The following MYT1L variants were observed in gnomAD, a reference collection of about 807,000 sequenced individuals.
The protein encoded by MYT1L is myelin transcription factor 1 like, also known as myelin transcription factor 1-like protein.
MYT1L carries 12 observed loss-of-function variants against 126.7 expected under a neutral mutation model. The observed-to-expected ratio is 0.09, with a 90% CI of 0.06 to 0.15. MYT1L has a LOEUF of 0.15. Ranked by LOEUF, MYT1L falls within the 10% of genes least tolerant of loss-of-function variation. The pLI is 1.00. For synonymous variants in MYT1L, 541 were observed against 604.2 expected, an observed-to-expected ratio of 0.90 and a Z score of 1.53; for missense variants, 979 against 1,585.2, an observed-to-expected ratio of 0.62 and a Z score of 6.49.
At chr2:1,902,432 G>C (rs1000607693) in intron 14 of MYT1L, among the ~76,000 whole-genome samples, 1 of 152,206 alleles carries the variant, frequency 6.6e-6, no homozygotes, top group African/African-American at 2.4e-5. Context: ...CAGTCACAGG[G>C]GGACTCCGGT....
chr2:1,886,436 GTTTT>G (rs2048182486), intron 18 of MYT1L, 99 bp downstream of exon 18: 1 of 863,256 alleles, frequency 1.2e-6, no homozygotes, highest in Admixed American at 3.4e-5. Flanking sequence ...CACAGGCCAT[GTTTT>G]TTAACAGACA....
At chr2:2,096,995 G>A (rs965188754) in intron 3 of MYT1L, among the ~76,000 whole-genome samples, 11 of 152,102 alleles carry the variant, frequency 7.2e-5, no homozygotes, top group East Asian at 1.9e-4. Flanking sequence ...AGGCTGCAGC[G>A]TCCTTCATCC....
chr2:1,934,465 A>G (rs2055554073), intron 9 of MYT1L, among the ~76,000 whole-genome samples: 1 of 151,904 alleles, frequency 6.6e-6, no homozygotes, highest in African/African-American at 2.4e-5. Flanking sequence ...TAAAAGGTGA[A>G]TGCATGAAGT....
chr2:2,271,025 T>G (rs2095253189), intron 2 of MYT1L, among the ~76,000 whole-genome samples: 1 of 152,250 alleles, frequency 6.6e-6, no homozygotes. Context: ...CCGGGGAGCA[T>G]GCCGCGGCCT....
chr2:2,008,306 C>T (rs1028266136), intron 4 of MYT1L, among the ~76,000 whole-genome samples: 4 of 152,326 alleles, frequency 2.6e-5, no homozygotes, highest in African/African-American at 9.6e-5. Context: ...CTGCCACGGG[C>T]GTGGCCAGCC....
chr2:2,108,786 T>C (rs1039040778), intron 3 of MYT1L, among the ~76,000 whole-genome samples: 1 of 152,158 alleles, frequency 6.6e-6, no homozygotes, highest in African/African-American at 2.4e-5. Context: ...TTGGCAGTAT[T>C]TTTTTTTCTT....
intron 2 of MYT1L, among the ~76,000 whole-genome samples, chr2:2,240,588 C>G (rs963052367): frequency 6.6e-6 from 1 of 152,168 alleles, no homozygotes; most frequent in Non-Finnish European, 1.5e-5. Context: ...AATCCTTTGT[C>G]TAAGTCTCCC....
chr2:2,215,214 C>A (rs956986066), intron 2 of MYT1L, among the ~76,000 whole-genome samples: 1 of 152,152 alleles, frequency 6.6e-6, no homozygotes, highest in Non-Finnish European at 1.5e-5. Context: ...TATATTCATA[C>A]ATTACATGTA....
In MYT1L at chr2:1,985,087, T is replaced by C. The variant is rs888886162; in HGVS notation, c.1-5310A>G. ...GCTGGGTTACGGACAGCTCCCACTT[T>C]GACACCAGAACCTGAGCTCCAGGCC... On this transcript the variant is annotated intron_variant, in intron 5 of 24. Coordinates refer to ENST00000647738, the MANE Select transcript of MYT1L (RefSeq NM_001303052.2). 3.9e-5 allele frequency among the ~76,000 whole-genome samples: 6 copies of C among 152,300 alleles called. No homozygotes were observed. In the Middle Eastern group the frequency reaches 0.01, roughly 259 times the overall value.
In MYT1L at chr2:2,057,547, T is replaced by C. The variant is rs116417341; in HGVS notation, c.-303-3424A>G. 4.0e-3 allele frequency among the ~76,000 whole-genome samples: 614 copies of C among 152,278 alleles called. 3 individuals carry two copies. The highest frequency in any genetic ancestry group is 0.014 in the African/African-American group (590 of 41,544). Reference sequence around the variant, plus strand: ...CACATAGCCACCCCCACCATCTTTTTTCATAACCAAGCCCAGCCTCTTTCC... The same window carrying C: ...CACATAGCCACCCCCACCATCTTTTCTCATAACCAAGCCCAGCCTCTTTCC... On this transcript the variant is annotated intron_variant, in intron 3 of 24. Coordinates refer to ENST00000647738, the MANE Select transcript of MYT1L (RefSeq NM_001303052.2).
At chr2:1,894,265 C>T (rs553530511) in intron 14 of MYT1L, among the ~76,000 whole-genome samples, 16 of 152,194 alleles carry the variant, frequency 1.1e-4, no homozygotes, top group South Asian at 2.1e-4. Context: ...CAGTGCAGGG[C>T]GGGGTGGGCA....
In MYT1L at chr2:1,789,847, G is replaced by C. The variant is rs1336759223; in HGVS notation, c.*2020C>G. The stretch of plus-strand genomic sequence containing the variant: ...GGGGGCGCTGTACAGAGAAGGTTCC[G>C]CAGAGCCCCGAAATAATTACATCGT... On this transcript the variant is annotated 3_prime_UTR_variant, in exon 25 of 25. Transcript: ENST00000647738. 6.6e-6 allele frequency: 1 copy of C among 152,154 alleles called. No homozygotes were observed. The highest frequency in any genetic ancestry group is 1.9e-4 in the East Asian group (1 of 5,198). The allele number at this position is 152,154 out of a possible 1,614,324, so 9.4% of individuals were successfully genotyped here. A position where few individuals can be genotyped will look rare whatever the true frequency, so the allele number is the denominator to read the frequency against.
chr2:2,273,342 A>G (rs2149354657), intron 2 of MYT1L, among the ~76,000 whole-genome samples: 1 of 152,306 alleles, frequency 6.6e-6, no homozygotes, highest in South Asian at 2.1e-4. Flanking sequence ...CCCCTGATAA[A>G]TGAGATGTTT....
chr2:2,178,791 T>C (rs2091106169), intron 2 of MYT1L, among the ~76,000 whole-genome samples: 1 of 152,128 alleles, frequency 6.6e-6, no homozygotes, highest in South Asian at 2.1e-4. Flanking sequence ...CCAGAAACCC[T>C]AACGAACCTG....
At chr2:2,017,744 C>T (rs2064582863) in intron 4 of MYT1L, among the ~76,000 whole-genome samples, 1 of 152,176 alleles carries the variant, frequency 6.6e-6, no homozygotes, top group African/African-American at 2.4e-5. Context: ...ATCCATCCAT[C>T]CATCCATCCA....
At chr2:2,236,757 TTTCTTCTTCTTCTTCTTCTTC>T (rs760901038) in intron 2 of MYT1L, among the ~76,000 whole-genome samples, 78 of 132,622 alleles carry the variant, frequency 5.9e-4, no homozygotes, top group Admixed American at 8.8e-4. Flanking sequence ...TTGGTTGTCC[TTTCTTCTTCTTCTTCTTCTTC>T]TTCTTCTTCT....
At chr2:2,276,405 G>A (rs2095359547) in intron 2 of MYT1L, among the ~76,000 whole-genome samples, 1 of 152,184 alleles carries the variant, frequency 6.6e-6, no homozygotes, top group Non-Finnish European at 1.5e-5. Context: ...ATGTGGATCA[G>A]ACAGTTCTTT....
intron 8 of MYT1L, among the ~76,000 whole-genome samples, chr2:1,954,693 G>T (rs1395693499): frequency 6.6e-6 from 1 of 152,078 alleles, no homozygotes; most frequent in Non-Finnish European, 1.5e-5. Flanking sequence ...AGGGACCCCT[G>T]AAGTTACAGC....
chr2:2,005,580 A>C (rs1346266241), intron 4 of MYT1L, among the ~76,000 whole-genome samples: 2 of 117,868 alleles, frequency 1.7e-5, no homozygotes, highest in Non-Finnish European at 1.8e-5. Flanking sequence ...TCCTGCATGC[A>C]TTCTTTCCTG....
Sources: gnomAD v4.1 joint callset for allele counts (sites outside exome capture counted in the v4.1 genomes callset) on GRCh38, gnomAD v4.1.1 for gene constraint, MANE v1.5 for transcripts, NCBI Gene and HGNC (gene_info 2026-07-23, HGNC 2026-07-21) for gene names.